SEPTIN9: variants seen among roughly 807,000 people sequenced by gnomAD.
SEPTIN9 encodes septin 9.
Under a neutral mutation model 56.6 loss-of-function variants are expected in SEPTIN9, and 13 were observed. The observed-to-expected ratio is 0.23, with a 90% CI of 0.15 to 0.37. The LOEUF (loss-of-function observed/expected upper bound fraction) is 0.37. Ranked by LOEUF, SEPTIN9 falls within the 10% of genes least tolerant of loss-of-function variation. The pLI is 1.00. For synonymous variants in SEPTIN9, 332 were observed against 334.1 expected, an observed-to-expected ratio of 0.99 and a Z score of 0.07; for missense variants, 650 against 823.1, an observed-to-expected ratio of 0.79 and a Z score of 2.57.
chr17:77,432,524 A>G (rs2037183928), intron 3 of SEPTIN9, among the ~76,000 whole-genome samples: 1 of 152,162 alleles, frequency 6.6e-6, no homozygotes. Flanking sequence ...TCCCTTTGCA[A>G]TGTGAAGTTC....
At chr17:77,306,818 A>G (rs1223759819) in intron 1 of SEPTIN9, among the ~76,000 whole-genome samples, 1 of 152,214 alleles carries the variant, frequency 6.6e-6, no homozygotes, top group Non-Finnish European at 1.5e-5. Flanking sequence ...TGCAACTCTC[A>G]TTCACTGTGT....
At position 77,402,165 on chromosome 17, in the gene SEPTIN9, G is replaced by T; in HGVS notation, c.183G>T (p.Gln61His). 6.2e-7 allele frequency: 1 copy of T among 1,613,866 alleles called. No homozygotes were observed. ...GAGCCACTGTGGCCAGCTCCACCCA[G>T]AAATTCCAGGACCTGGGCGTGAAGA... ...LLRATVASST[Q>H]KFQDLGVKNS... Residue 61 changes from glutamine to histidine, a missense_variant, in exon 3 of 12, where the codon CAG (glutamine) becomes CAT (histidine). Gln to His is a conservative substitution (Grantham distance 24). Coordinates refer to ENST00000427177, the MANE Select transcript of SEPTIN9 (RefSeq NM_001113491.2). The surrounding 1 kb of genome is among the most constrained non-coding windows in gnomAD (Gnocchi z 6.6).
At chr17:77,477,839 C>A (rs906705403) in intron 3 of SEPTIN9, among the ~76,000 whole-genome samples, 27 of 152,254 alleles carry the variant, frequency 1.8e-4, no homozygotes, top group African/African-American at 6.3e-4. Context: ...CAAATCAGAA[C>A]CTTTCTGAGA....
In SEPTIN9 at chr17:77,476,234, T is replaced by C. The variant is rs1441801967; in HGVS notation, c.722-5910T>C. Among the ~76,000 whole-genome samples, 1 of 152,172 alleles carries C rather than the reference T, an allele frequency of 6.6e-6. No individual in the cohort carries two copies. Among genetic ancestry groups the C allele is most frequent in the South Asian group, 2.1e-4 (1 of 4,834 alleles). ...GTTTCCAAGTCAGGCTTTGCAAGCC[T>C]GCTGTGTCAAGCCCTCTCTCGGCAC... On this transcript the variant is annotated intron_variant, in intron 3 of 11. Transcript: ENST00000427177. The surrounding 1 kb of genome is among the most constrained non-coding windows in gnomAD (Gnocchi z 6.0).
At chr17:77,288,154 G>T (rs2143496787) in intron 1 of SEPTIN9, 7 of 1,061,500 alleles carry the variant, frequency 6.6e-6, no homozygotes, top group East Asian at 5.1e-5. Context: ...CAGAGAAGGG[G>T]TCCAGGCAGG....
chr17:77,325,233 G>A (rs1598195914), intron 2 of SEPTIN9, among the ~76,000 whole-genome samples: 2 of 152,358 alleles, frequency 1.3e-5, no homozygotes, highest in East Asian at 1.9e-4. Context: ...ACGTCAGGAA[G>A]CTTTTCCCCT....
At chr17:77,285,570 G>T (rs1408888609) in intron 1 of SEPTIN9, among the ~76,000 whole-genome samples, 1 of 151,530 alleles carries the variant, frequency 6.6e-6, no homozygotes, top group Non-Finnish European at 1.5e-5. Context: ...GCTAATTTTT[G>T]TATTTTTTAG....
chr17:77,411,087 G>GGA (rs2036279336), intron 3 of SEPTIN9, among the ~76,000 whole-genome samples: 1 of 132,740 alleles, frequency 7.5e-6, no homozygotes, highest in African/African-American at 2.7e-5. Context: ...TCCCATCTGG[G>GGA]AAAAAAAAAA....
intron 2 of SEPTIN9, among the ~76,000 whole-genome samples, chr17:77,394,416 T>G (rs926358926): frequency 2.0e-5 from 3 of 152,204 alleles, no homozygotes; most frequent in Admixed American, 6.5e-5. Context: ...CCGGCTTCCC[T>G]GAGCCCTGAC....
In SEPTIN9 at chr17:77,475,790, G is replaced by T. The variant is rs764879418; in HGVS notation, c.722-6354G>T. The T allele has an allele frequency of 3.1e-6, 5 of 1,613,392 alleles. No individual in the cohort carries two copies. In the South Asian group the frequency reaches 5.5e-5, roughly 18 times the overall value. On this transcript the variant is annotated intron_variant, in intron 3 of 11. Transcript: ENST00000427177. The surrounding 1 kb of genome is among the most constrained non-coding windows in gnomAD (Gnocchi z 4.6). ...GGGCCTGGAAGGCTGACAGGGTGTG[G>T]TGAGTGCCACCGGCTCCCCTGCCGT...
chr17:77,430,617 C>T (rs959943842), intron 3 of SEPTIN9, among the ~76,000 whole-genome samples: 1 of 152,198 alleles, frequency 6.6e-6, no homozygotes, highest in Non-Finnish European at 1.5e-5. Context: ...TAGGGAAGAC[C>T]CCAGCCTGGT....
rs992159191 is a variant in SEPTIN9, at chr17:77,327,373, T to C, written c.76+20176T>C. Among the ~76,000 whole-genome samples, 3 of 152,202 alleles carry C rather than the reference T, an allele frequency of 2.0e-5. No individual in the cohort carries two copies. Among genetic ancestry groups the C allele is most frequent in the Non-Finnish European group, 4.4e-5 (3 of 68,038 alleles). On this transcript the variant is annotated intron_variant, in intron 2 of 11. Coordinates refer to ENST00000427177, the MANE Select transcript of SEPTIN9 (RefSeq NM_001113491.2). The surrounding 1 kb of genome is among the most constrained non-coding windows in gnomAD (Gnocchi z 5.0). ...CCAGAGCTTCTGAAGCCGCTCGCTG[T>C]GTGCCCCCGCCTGGCCCCATGCATC...
chr17:77,493,159 G>T, intron 10 of SEPTIN9, 83 bp downstream of exon 10: 2 of 1,128,732 alleles, frequency 1.8e-6, no homozygotes, highest in Non-Finnish European at 1.3e-6. Context: ...CCACGCCTGA[G>T]CCAGGGACTC....
intron 2 of SEPTIN9, among the ~76,000 whole-genome samples, chr17:77,325,307 T>C (rs1379569188): frequency 6.6e-6 from 1 of 152,154 alleles, no homozygotes; most frequent in Admixed American, 6.5e-5. Flanking sequence ...GCAAGTTGAG[T>C]TGATTTTTGC....
chr17:77,376,020 G>T, intron 2 of SEPTIN9: 2 of 815,258 alleles, frequency 2.5e-6, no homozygotes, highest in Non-Finnish European at 3.0e-6. Flanking sequence ...AGCCAGGGGT[G>T]ATGTGGACAG....
At chr17:77,295,506 C>T (rs939379013) in intron 1 of SEPTIN9, among the ~76,000 whole-genome samples, 8 of 152,096 alleles carry the variant, frequency 5.3e-5, no homozygotes, top group Admixed American at 6.5e-5. Context: ...CCCTTGCTTC[C>T]ACCTCCCAGG....
chr17:77,469,955 TCACC>T (rs2038910711), intron 3 of SEPTIN9, among the ~76,000 whole-genome samples: 1 of 138,122 alleles, frequency 7.2e-6, no homozygotes, highest in African/African-American at 2.8e-5. Flanking sequence ...GCCCATCCAC[TCACC>T]CACCCATCCA....
chr17:77,384,927 G>A (rs1390986855), intron 2 of SEPTIN9, among the ~76,000 whole-genome samples: 1 of 151,664 alleles, frequency 6.6e-6, no homozygotes, highest in Non-Finnish European at 1.5e-5. Context: ...TCAGAATATT[G>A]ATGGAAGTTA....
intron 2 of SEPTIN9, among the ~76,000 whole-genome samples, chr17:77,388,505 TCTGTGGCCA>T (rs1369299465): frequency 6.6e-6 from 1 of 151,894 alleles, no homozygotes; most frequent in African/African-American, 2.4e-5. Flanking sequence ...ACGTGGGGGC[TCTGTGGCCA>T]CTGTGGCTCT....
Sources: gnomAD v4.1 joint callset for allele counts (sites outside exome capture counted in the v4.1 genomes callset) on GRCh38, gnomAD v4.1.1 for gene constraint, Gnocchi (gnomAD v3.1) non-coding constraint, MANE v1.5 for transcripts, NCBI Gene and HGNC (gene_info 2026-07-23, HGNC 2026-07-21) for gene names.